Variants in GRIP1 observed in about 807,000 individuals in gnomAD.
GRIP1 encodes the protein glutamate receptor-interacting protein 1.
A neutral mutation model predicts 129.9 loss-of-function variants in GRIP1; 45 were observed. That is an observed-to-expected ratio of 0.35 (90% confidence interval 0.27 to 0.44). The LOEUF (loss-of-function observed/expected upper bound fraction) is 0.44. Ranked by LOEUF, GRIP1 falls within the 20% of genes least tolerant of loss-of-function variation. GRIP1 has a pLI of 1.00. For synonymous variants in GRIP1, 530 were observed against 520.8 expected (o/e 1.02, Z -0.24); for missense variants, 1,196 against 1,396.8 (o/e 0.86, Z 2.29).
At chr12:66,364,287 A>AAAAAAAAG (rs1565667504) in intron 23 of GRIP1, among the ~76,000 whole-genome samples, 4 of 125,912 alleles carry the variant, frequency 3.2e-5, no homozygotes, top group South Asian at 2.6e-4. Context: ...AAAAAAAAAA[A>AAAAAAAAG]AAAGAAAGAA....
intron 1 of GRIP1, among the ~76,000 whole-genome samples, chr12:66,990,961 G>A (rs1364248221): frequency 4.2e-5 from 6 of 141,332 alleles, no homozygotes; most frequent in Non-Finnish European, 6.1e-5. Flanking sequence ...TGGGCAACAA[G>A]AGCTAAACTC....
chr12:66,356,080 C>A (rs1032536889), intron 23 of GRIP1, among the ~76,000 whole-genome samples: 4 of 152,142 alleles, frequency 2.6e-5, no homozygotes, highest in Non-Finnish European at 5.9e-5. Context: ...ACTTCTGGTA[C>A]CAGGGCCAGG....
intron 1 of GRIP1, among the ~76,000 whole-genome samples, chr12:66,624,273 C>T (rs1040746533): frequency 2.6e-5 from 4 of 152,110 alleles, no homozygotes; most frequent in Admixed American, 2.6e-4. Context: ...CAGAGATCAG[C>T]ACCATTAATT....
intron 7 of GRIP1, among the ~76,000 whole-genome samples, chr12:66,499,136 A>G (rs952438081): frequency 1.3e-5 from 2 of 152,200 alleles, no homozygotes; most frequent in Non-Finnish European, 2.9e-5. Context: ...TGTTTAGAAA[A>G]TGGGATTTAT....
chr12:66,379,626 G>C (rs2056005246), intron 19 of GRIP1, among the ~76,000 whole-genome samples, 190 bp from the exon 20 acceptor site: 1 of 152,188 alleles, frequency 6.6e-6, no homozygotes, highest in African/African-American at 2.4e-5. Flanking sequence ...TTCTTCTTTA[G>C]AGCCATCTTT....
chr12:66,546,285 T>G (rs1406328828), intron 2 of GRIP1, among the ~76,000 whole-genome samples: 1 of 151,928 alleles, frequency 6.6e-6, no homozygotes, highest in African/African-American at 2.4e-5. Flanking sequence ...AGACCAGGTG[T>G]TCAAGAGCAG....
At chr12:66,476,931 G>A (rs1398159913) in intron 7 of GRIP1, among the ~76,000 whole-genome samples, 2 of 152,094 alleles carry the variant, frequency 1.3e-5, no homozygotes, top group African/African-American at 4.8e-5. Flanking sequence ...ATACTGAATG[G>A]GCAAAAACTG....
chr12:66,481,420 A>G (rs1288380684), intron 7 of GRIP1, among the ~76,000 whole-genome samples: 1 of 152,202 alleles, frequency 6.6e-6, no homozygotes, highest in East Asian at 1.9e-4. Context: ...GCCAGTTAGA[A>G]TGGTGATCAT....
At chr12:66,531,249 AAAAATATATATATATATATATATATATAT>A (rs1446372270) in intron 4 of GRIP1, among the ~76,000 whole-genome samples, 1,573 of 28,284 alleles carry the variant, frequency 0.056, 107 homozygotes, top group East Asian at 0.19. Flanking sequence ...AAAAAAAAAA[AAAAATATATATATATATATATATATATAT>A]ATATATATAT....
At chr12:67,015,871 T>C (rs1411152272) in intron 1 of GRIP1, among the ~76,000 whole-genome samples, 2 of 152,168 alleles carry the variant, frequency 1.3e-5, no homozygotes, top group Non-Finnish European at 2.9e-5. Flanking sequence ...AACAAGAAAG[T>C]AGCATTAGAA....
intron 1 of GRIP1, among the ~76,000 whole-genome samples, chr12:66,705,027 C>A (rs925647103): frequency 6.6e-6 from 1 of 152,044 alleles, no homozygotes; most frequent in African/African-American, 2.4e-5. Flanking sequence ...TGCTCTATTA[C>A]AATATACCCA....
chr12:67,012,517 C>T (rs1399841901), intron 1 of GRIP1, among the ~76,000 whole-genome samples: 2 of 152,240 alleles, frequency 1.3e-5, no homozygotes, highest in East Asian at 3.9e-4. Flanking sequence ...AGGACCTGCC[C>T]ATTAAGAGCA....
chr12:66,351,739 G>C (rs148417220), intron 24 of GRIP1, among the ~76,000 whole-genome samples: 1 of 152,238 alleles, frequency 6.6e-6, no homozygotes, highest in African/African-American at 2.4e-5. Context: ...AGGTTGGGTG[G>C]TGTCTGGTGA....
intron 9 of GRIP1, among the ~76,000 whole-genome samples, chr12:66,459,379 A>G (rs978804588): frequency 5.9e-5 from 9 of 152,150 alleles, no homozygotes; most frequent in African/African-American, 1.9e-4. Context: ...CCAATTTACA[A>G]CCACCGACAC....
chr12:66,362,235 T>C (rs1326271172), intron 23 of GRIP1, among the ~76,000 whole-genome samples: 3 of 146,202 alleles, frequency 2.1e-5, no homozygotes, highest in African/African-American at 5.1e-5. Context: ...CTCACCACAA[T>C]GTCCGCCTCC....
intron 1 of GRIP1, among the ~76,000 whole-genome samples, chr12:66,887,257 T>G (rs1274669516): frequency 6.6e-6 from 1 of 152,236 alleles, no homozygotes; most frequent in East Asian, 1.9e-4. Context: ...TAAGAAAGAC[T>G]GCTGAAGCAT....
intron 1 of GRIP1, among the ~76,000 whole-genome samples, chr12:67,010,279 T>C (rs2042685900): frequency 6.6e-6 from 1 of 152,174 alleles, no homozygotes; most frequent in Non-Finnish European, 1.5e-5. Context: ...GTTCAAACAA[T>C]TGACTGCACA....
intron 1 of GRIP1, among the ~76,000 whole-genome samples, chr12:66,628,597 T>C (rs1278242438): frequency 6.6e-6 from 1 of 152,224 alleles, no homozygotes; most frequent in Non-Finnish European, 1.5e-5. Context: ...CCTTGTTGTG[T>C]ATTCGCAAAA....
intron 15 of GRIP1, among the ~76,000 whole-genome samples, chr12:66,409,038 C>T (rs887820395): frequency 6.6e-6 from 1 of 152,052 alleles, no homozygotes; most frequent in African/African-American, 2.4e-5. Flanking sequence ...AGGTTTTTGA[C>T]TCTAGGACCA....
Sources: allele counts gnomAD v4.1 joint callset (sites outside exome capture counted in the v4.1 genomes callset), GRCh38; gene constraint gnomAD v4.1.1; transcripts MANE v1.5; gene names NCBI Gene and HGNC (gene_info 2026-07-23, HGNC 2026-07-21).